The following METAP1 variants were observed in gnomAD, a reference collection of about 807,000 sequenced individuals.
METAP1 encodes methionine aminopeptidase 1.
In METAP1, 28 loss-of-function variants were observed where a neutral mutation model predicts 53.8. The observed-to-expected ratio is 0.52, with a 90% CI of 0.39 to 0.71. METAP1 has a LOEUF of 0.71. METAP1 is among the 30% of genes least tolerant of loss of function. The pLI, the probability that METAP1 is intolerant of heterozygous loss-of-function variation, is 0.00. For missense variants in METAP1, 389 were observed against 479.8 expected, an observed-to-expected ratio of 0.81 and a Z score of 1.77; for synonymous variants, 181 against 165.7, an observed-to-expected ratio of 1.09 and a Z score of -0.71.
rs557524410 is a variant in METAP1, at chr4:99,033,258, T to A, written c.167-972T>A. ...TGTTTAAGAGGGGAGTTTTATTTTT[T>A]TTTTTTTCGGACACTTCTAAAATCA... On this transcript the variant is annotated intron_variant, in intron 2 of 10. Coordinates refer to ENST00000296411, the MANE Select transcript of METAP1 (RefSeq NM_015143.3). 5.3e-5 allele frequency among the ~76,000 whole-genome samples: 8 copies of A among 152,276 alleles called. No individual in the cohort carries two copies. The East Asian group carries it at 7.7e-4, about 15-fold the overall frequency.
At chr4:99,057,688 A>G (rs1331151108) in intron 9 of METAP1, 65 bp from the exon 10 acceptor site, 7 of 1,123,960 alleles carry the variant, frequency 6.2e-6, no homozygotes, top group Admixed American at 2.3e-5. Flanking sequence ...TACTCTTTCT[A>G]GTTAGCTGTT....
intron 9 of METAP1, among the ~76,000 whole-genome samples, chr4:99,050,128 G>A (rs114941027): frequency 0.021 from 3,254 of 152,182 alleles, 111 homozygotes; most frequent in African/African-American, 0.073. Context: ...GGAGAACTAA[G>A]TTTTGGTTGG....
chr4:99,053,341 C>T (rs1322916876), intron 9 of METAP1, among the ~76,000 whole-genome samples: 1 of 152,218 alleles, frequency 6.6e-6, no homozygotes, highest in African/African-American at 2.4e-5. Flanking sequence ...CCTCCACCTC[C>T]TGGGCTCAGG....
At chr4:99,022,333 G>T in intron 1 of METAP1, 1 of 843,164 alleles carries the variant, frequency 1.2e-6, no homozygotes, top group Non-Finnish European at 1.7e-6. Flanking sequence ...GACCAGGGAA[G>T]ATCCCTCCAT....
intron 1 of METAP1, chr4:99,023,125 C>A: frequency 1.1e-6 from 1 of 933,414 alleles, no homozygotes. Flanking sequence ...GATTCCTCTG[C>A]CTCCGTGTTG....
chr4:99,001,646 A>C (rs1018526093), intron 1 of METAP1, among the ~76,000 whole-genome samples: 6 of 152,174 alleles, frequency 3.9e-5, no homozygotes, highest in Non-Finnish European at 8.8e-5. Context: ...TCATTTGTTT[A>C]TTCACTTATA....
intron 1 of METAP1, among the ~76,000 whole-genome samples, chr4:99,027,499 G>A (rs1205319866): frequency 1.3e-5 from 2 of 151,886 alleles, no homozygotes; most frequent in South Asian, 2.1e-4. Context: ...TTCTTCCTGC[G>A]GTATGAGTTC....
intron 1 of METAP1, chr4:99,023,046 C>A: frequency 7.2e-7 from 1 of 1,394,738 alleles, no homozygotes. Context: ...TGGATTCCTC[C>A]TGCTCCTCCT....
Position 99,045,176 on chromosome 4 carries a change from C to T in METAP1, c.656-3C>T, listed in dbSNP as rs188891377. The T allele has an allele frequency of 9.3e-5, 150 of 1,612,340 alleles. No homozygotes were observed. In the African/African-American group the frequency reaches 1.3e-3, roughly 13 times the overall value. ...GTCTTTATATTTGCACATTCTCTTG[C>T]AGTGGATATCACTCTTTATCGCAAT... On this transcript the variant is annotated splice_region_variant and splice_polypyrimidine_tract_variant and intron_variant, in intron 7 of 10. Transcript: ENST00000296411.
At chr4:99,009,084 G>T (rs1685526232) in intron 1 of METAP1, among the ~76,000 whole-genome samples, 1 of 152,080 alleles carries the variant, frequency 6.6e-6, no homozygotes, top group African/African-American at 2.4e-5. Flanking sequence ...CTTTCTGTAG[G>T]AATTTGACTA....
At chr4:99,036,624 T>TTA (rs144469991) in intron 4 of METAP1, among the ~76,000 whole-genome samples, 3,184 of 152,232 alleles carry the variant, frequency 0.021, 96 homozygotes, top group African/African-American at 0.071. Flanking sequence ...CTGTATTCAC[T>TTA]TAATATGTCT....
At chr4:99,024,674 T>A (rs1395554946) in intron 1 of METAP1, among the ~76,000 whole-genome samples, 1 of 152,190 alleles carries the variant, frequency 6.6e-6, no homozygotes, top group Non-Finnish European at 1.5e-5. Flanking sequence ...CAGGGGCGAT[T>A]TGGGGAGGGT....
chr4:99,046,240 C>A (rs566434379), intron 8 of METAP1, among the ~76,000 whole-genome samples: 1 of 151,896 alleles, frequency 6.6e-6, no homozygotes, highest in East Asian at 1.9e-4. Context: ...ATGGTGAAAC[C>A]CTGTCTCTAA....
intron 9 of METAP1, among the ~76,000 whole-genome samples, chr4:99,049,423 A>G (rs1726513436): frequency 6.6e-6 from 1 of 152,202 alleles, no homozygotes; most frequent in Non-Finnish European, 1.5e-5. Context: ...CCTTAGGTGA[A>G]GTCAGTTCGT....
intron 10 of METAP1, among the ~76,000 whole-genome samples, chr4:99,058,539 T>G (rs1727312146): frequency 1.3e-5 from 2 of 152,148 alleles, no homozygotes; most frequent in Non-Finnish European, 2.9e-5. Context: ...CACCGAGATT[T>G]TCAGAGTGAT....
At chr4:99,058,977 A>G (rs769586101) in intron 10 of METAP1, among the ~76,000 whole-genome samples, 5 of 152,264 alleles carry the variant, frequency 3.3e-5, no homozygotes, top group Non-Finnish European at 7.3e-5. Context: ...TAATAAGGAT[A>G]AAGTTCTGAT....
intron 9 of METAP1, among the ~76,000 whole-genome samples, chr4:99,051,662 G>A (rs1326841745): frequency 6.6e-6 from 1 of 152,126 alleles, no homozygotes; most frequent in Admixed American, 6.5e-5. Flanking sequence ...AGGAGCTGGG[G>A]TTACAGGTGT....
chr4:99,005,822 A>G (rs757905199), intron 1 of METAP1: 46 of 421,034 alleles, frequency 1.1e-4, no homozygotes, highest in Non-Finnish European at 2.1e-4. Flanking sequence ...TCTGGAATGG[A>G]AAACCAAGTA....
chr4:99,046,500 C>A (rs1476851146), intron 8 of METAP1, among the ~76,000 whole-genome samples: 1 of 152,174 alleles, frequency 6.6e-6, no homozygotes, highest in Non-Finnish European at 1.5e-5. Flanking sequence ...CTGGTTAAAT[C>A]CTTACCATAT....
Sources: allele counts gnomAD v4.1 joint callset (sites outside exome capture counted in the v4.1 genomes callset), GRCh38; gene constraint gnomAD v4.1.1; transcripts MANE v1.5; gene names NCBI Gene and HGNC (gene_info 2026-07-23, HGNC 2026-07-21).